Variants in MAML3 observed in about 807,000 individuals in gnomAD.
MAML3 encodes the protein mastermind-like protein 3.
Under a neutral mutation model 101.9 loss-of-function variants are expected in MAML3, and 27 were observed. The observed-to-expected ratio is 0.27, with a 90% CI of 0.20 to 0.37. The LOEUF is 0.37. Ranked by LOEUF, MAML3 falls within the 10% of genes least tolerant of loss-of-function variation. MAML3 has a pLI of 1.00. For synonymous variants in MAML3, 501 were observed against 555.9 expected (o/e 0.90, Z 1.39); for missense variants, 1,316 against 1,444.9 (o/e 0.91, Z 1.45).
intron 2 of MAML3, among the ~76,000 whole-genome samples, chr4:139,847,198 G>A (rs541413229): frequency 6.6e-6 from 1 of 151,886 alleles, no homozygotes; most frequent in African/African-American, 2.4e-5. Context: ...TCTATATTGT[G>A]TAAAAAACAA....
At chr4:139,944,620 C>T (rs1733671958) in intron 1 of MAML3, among the ~76,000 whole-genome samples, 1 of 151,388 alleles carries the variant, frequency 6.6e-6, no homozygotes, top group African/African-American at 2.4e-5. Flanking sequence ...CAAACAACCC[C>T]ATCAAAAAGT....
chr4:140,004,845 G>A (rs1198728306), intron 1 of MAML3, among the ~76,000 whole-genome samples: 1 of 148,550 alleles, frequency 6.7e-6, no homozygotes, highest in Non-Finnish European at 1.5e-5. Context: ...TTTTCCTTAG[G>A]TTTTTTTTTT....
chr4:139,925,180 T>C (rs528196235), intron 1 of MAML3, among the ~76,000 whole-genome samples: 3 of 152,220 alleles, frequency 2.0e-5, no homozygotes, highest in African/African-American at 4.8e-5. Flanking sequence ...CAATCTGCAA[T>C]GTGCAAGGGG....
intron 2 of MAML3, among the ~76,000 whole-genome samples, chr4:139,797,666 T>C (rs553835400): frequency 1.3e-5 from 2 of 151,978 alleles, no homozygotes; most frequent in African/African-American, 2.4e-5. Context: ...TAGAGGTAAA[T>C]TGATATGATG....
intron 1 of MAML3, among the ~76,000 whole-genome samples, chr4:140,087,252 T>C (rs1727968720): frequency 6.6e-6 from 1 of 152,258 alleles, no homozygotes; most frequent in African/African-American, 2.4e-5. Context: ...ATGTTCTCTT[T>C]TACTAGTAAT....
chr4:140,034,115 GA>G (rs999527807), intron 1 of MAML3, among the ~76,000 whole-genome samples: 16 of 152,160 alleles, frequency 1.1e-4, no homozygotes, highest in African/African-American at 3.9e-4. Context: ...TCATTCACAA[GA>G]ATTCCATGAG....
At chr4:139,926,902 T>C (rs928975267) in intron 1 of MAML3, among the ~76,000 whole-genome samples, 2 of 152,222 alleles carry the variant, frequency 1.3e-5, no homozygotes, top group African/African-American at 4.8e-5. Flanking sequence ...TGATCCCATA[T>C]TGCATTTAGT....
At chr4:139,982,785 C>G (rs949536559) in intron 1 of MAML3, among the ~76,000 whole-genome samples, 3 of 152,176 alleles carry the variant, frequency 2.0e-5, no homozygotes, top group African/African-American at 7.2e-5. Context: ...GCCTACTCTC[C>G]TAGCTTCACT....
chr4:139,917,592 A>C (rs1363633597), intron 1 of MAML3, among the ~76,000 whole-genome samples: 2 of 152,234 alleles, frequency 1.3e-5, no homozygotes, highest in African/African-American at 4.8e-5. Context: ...TGATCTATGT[A>C]GCTCCAGAAC....
intron 2 of MAML3, among the ~76,000 whole-genome samples, chr4:139,834,877 G>A (rs1047323403): frequency 1.3e-5 from 2 of 152,184 alleles, no homozygotes; most frequent in Admixed American, 1.3e-4. Flanking sequence ...TAGAGAGAGG[G>A]TATGAACCGT....
rs754950926 is a variant in MAML3 at position 140,152,848 on chromosome 4, G to C, written c.468+12C>G. ...AACGCGCGCCGCAAGCCCGCTGCCC[G>C]TGCGCCCTCACCATGATCAGCGTGT... On this transcript the variant is annotated intron_variant, in intron 1 of 4. Coordinates refer to ENST00000509479, the MANE Select transcript of MAML3 (RefSeq NM_018717.5). 7.1e-6 allele frequency: 11 copies of C among 1,552,102 alleles called. No homozygotes were observed. Among genetic ancestry groups the C allele is most frequent in the Non-Finnish European group, 7.9e-6 (9 of 1,146,404 alleles).
intron 2 of MAML3, 55 bp from the exon 3 acceptor site, chr4:139,730,722 G>C: frequency 6.6e-7 from 1 of 1,508,400 alleles, no homozygotes; most frequent in Non-Finnish European, 9.1e-7. Flanking sequence ...ACTCACTGCT[G>C]TTTGAAGGGA....
intron 2 of MAML3, among the ~76,000 whole-genome samples, chr4:139,768,922 C>T (rs1191702167): frequency 6.6e-6 from 1 of 152,194 alleles, no homozygotes; most frequent in Non-Finnish European, 1.5e-5. Context: ...TTTAAATTCA[C>T]CTGGCTTCGG....
intron 1 of MAML3, among the ~76,000 whole-genome samples, chr4:139,913,587 T>C (rs916012070): frequency 2.0e-5 from 3 of 152,186 alleles, no homozygotes; most frequent in Non-Finnish European, 4.4e-5. Flanking sequence ...CTGTCGGTTA[T>C]GTACTCCTGG....
chr4:139,913,582 G>A (rs17005223), intron 1 of MAML3, among the ~76,000 whole-genome samples: 49,607 of 151,880 alleles, frequency 0.33, 8,236 homozygotes, highest in South Asian at 0.4. Flanking sequence ...AAAAGCTGTC[G>A]GTTATGTACT....
At chr4:139,750,037 T>A (rs1729455801) in intron 2 of MAML3, among the ~76,000 whole-genome samples, 1 of 152,184 alleles carries the variant, frequency 6.6e-6, no homozygotes, top group African/African-American at 2.4e-5. Flanking sequence ...GATTGTACCC[T>A]GAAGTGCCAA....
intron 1 of MAML3, among the ~76,000 whole-genome samples, chr4:139,943,864 C>CTTTTTTTTTTTTTTTTTGTTTTT (rs1733652945): frequency 1.5e-5 from 1 of 65,824 alleles, no homozygotes; most frequent in Non-Finnish European, 2.8e-5. Context: ...CTAAAGACAA[C>CTTTTTTTTTTTTTTTTTGTTTTT]TTTTTTTTTT....
At chr4:139,773,151 A>C (rs11721831) in intron 2 of MAML3, among the ~76,000 whole-genome samples, 26,180 of 152,088 alleles carry the variant, frequency 0.17, 2,309 homozygotes, top group Middle Eastern at 0.23. Flanking sequence ...TAGAACTATC[A>C]ACAGGCTTCA....
intron 2 of MAML3, among the ~76,000 whole-genome samples, chr4:139,795,530 T>C (rs573092129): frequency 6.6e-6 from 1 of 152,326 alleles, no homozygotes; most frequent in Non-Finnish European, 1.5e-5. Flanking sequence ...CTGGGGAATG[T>C]TTGAGGCACC....
Sources: allele counts gnomAD v4.1 joint callset (sites outside exome capture counted in the v4.1 genomes callset), GRCh38; gene constraint gnomAD v4.1.1; transcripts MANE v1.5; gene names NCBI Gene and HGNC (gene_info 2026-07-23, HGNC 2026-07-21).